The following TNKS variants were observed in gnomAD, a reference collection of about 807,000 sequenced individuals.
The protein encoded by TNKS is tankyrase.
TNKS carries 72 observed loss-of-function variants against 135.8 expected under a neutral mutation model. The observed-to-expected ratio is 0.53, with a 90% CI of 0.44 to 0.64. The LOEUF (loss-of-function observed/expected upper bound fraction) is 0.64, where lower values mean the gene tolerates loss of function less well. Ranked by LOEUF, TNKS falls within the 30% of genes least tolerant of loss-of-function variation. TNKS has a pLI of 0.00. For synonymous variants in TNKS, 849 were observed against 649.3 expected (o/e 1.31, Z -4.68); for missense variants, 1,769 against 1,674.0 (o/e 1.06, Z -0.99).
chr8:9,769,221 G>A (rs1359206844), intron 25 of TNKS, among the ~76,000 whole-genome samples: 2 of 152,174 alleles, frequency 1.3e-5, no homozygotes, highest in Non-Finnish European at 2.9e-5. Flanking sequence ...CAATAAAATT[G>A]TATTTACAAA....
intron 3 of TNKS, among the ~76,000 whole-genome samples, chr8:9,677,109 T>C (rs1802574010): frequency 6.6e-6 from 1 of 152,224 alleles, no homozygotes; most frequent in African/African-American, 2.4e-5. Context: ...TAGCTGTTCC[T>C]GGGAGCTAGC....
chr8:9,561,453 A>C (rs765240984), intron 1 of TNKS, among the ~76,000 whole-genome samples: 1 of 152,210 alleles, frequency 6.6e-6, no homozygotes, highest in Non-Finnish European at 1.5e-5. Context: ...TTAGAATTTC[A>C]TATAAATGCA....
At chr8:9,567,531 T>C (rs1034591517) in intron 1 of TNKS, among the ~76,000 whole-genome samples, 13 of 152,232 alleles carry the variant, frequency 8.5e-5, no homozygotes, top group Admixed American at 8.5e-4. Flanking sequence ...TTCTCCTGCC[T>C]CAGCCTCCCG....
intron 8 of TNKS, among the ~76,000 whole-genome samples, chr8:9,707,504 T>C (rs1268837363): frequency 2.0e-5 from 3 of 152,206 alleles, no homozygotes; most frequent in African/African-American, 7.2e-5. Flanking sequence ...CACAATCATA[T>C]TTTTATTTGT....
At chr8:9,628,248 G>C (rs1449925291) in intron 3 of TNKS, among the ~76,000 whole-genome samples, 1 of 152,102 alleles carries the variant, frequency 6.6e-6, no homozygotes, top group Non-Finnish European at 1.5e-5. Context: ...AGAGTATACG[G>C]AACTGCCCAT....
rs1554467464 is a variant in TNKS at position 9,676,686 on chromosome 8, C to CTCTGTG, written c.995-3264_995-3263insCTGTGT. Reference sequence around the variant, plus strand: ...CTCGTATTTCTCCCTCTCTCTCTCTCTGTGTGTGTGTGTGTGTGTGTGTGT... The same window carrying CTCTGTG: ...CTCGTATTTCTCCCTCTCTCTCTCTCTCTGTGTGTGTGTGTGTGTGTGTGTGTGTGT... On this transcript the variant is annotated intron_variant, in intron 3 of 26. Coordinates refer to ENST00000310430, the MANE Select transcript of TNKS (RefSeq NM_003747.3). 5.1e-3 allele frequency among the ~76,000 whole-genome samples: 757 copies of CTCTGTG among 147,878 alleles called. 3 individuals are homozygous for CTCTGTG. The highest frequency in any genetic ancestry group is 6.2e-3 in the Non-Finnish European group (412 of 66,754).
chr8:9,593,520 T>C (rs1798663398), intron 2 of TNKS, among the ~76,000 whole-genome samples: 2 of 152,218 alleles, frequency 1.3e-5, no homozygotes, highest in South Asian at 4.1e-4. Flanking sequence ...GTATCATATT[T>C]AGCAAACTTA....
intron 2 of TNKS, among the ~76,000 whole-genome samples, chr8:9,594,099 C>T (rs1798685518): frequency 1.3e-5 from 2 of 152,146 alleles, no homozygotes; most frequent in East Asian, 3.9e-4. Flanking sequence ...TTTGGCCGGG[C>T]TGGTCTCAGA....
At chr8:9,586,722 CGTGTGTGTGTGTGT>C (rs5889287) in intron 2 of TNKS, among the ~76,000 whole-genome samples, 7,525 of 143,274 alleles carry the variant, frequency 0.053, 200 homozygotes, top group Middle Eastern at 0.079. Flanking sequence ...ATATCTAAAA[CGTGTGTGTGTGTGT>C]GTGTGTGTGT....
intron 5 of TNKS, among the ~76,000 whole-genome samples, chr8:9,681,921 T>G (rs79256633): frequency 0.066 from 10,111 of 152,160 alleles, 674 homozygotes; most frequent in East Asian, 0.22. Flanking sequence ...CAGTGAGTAT[T>G]TTGTTTCTCT....
intron 6 of TNKS, among the ~76,000 whole-genome samples, chr8:9,705,972 T>G (rs1804021541): frequency 6.6e-6 from 1 of 152,180 alleles, no homozygotes; most frequent in South Asian, 2.1e-4. Context: ...ATTTGGTATT[T>G]TTTTCATTAT....
At chr8:9,698,699 G>C (rs1803647587) in intron 5 of TNKS, among the ~76,000 whole-genome samples, 2 of 152,122 alleles carry the variant, frequency 1.3e-5, no homozygotes, top group South Asian at 2.1e-4. Flanking sequence ...CCACAGCTTT[G>C]CAAAAGGCTT....
intron 17 of TNKS, chr8:9,743,572 G>C (rs765608775): frequency 6.6e-6 from 1 of 152,136 alleles, no homozygotes; most frequent in Non-Finnish European, 1.5e-5. Context: ...AAAAATGCAA[G>C]GTAATACTGT....
intron 11 of TNKS, among the ~76,000 whole-genome samples, chr8:9,715,095 T>C (rs1460503730): frequency 6.6e-6 from 1 of 150,984 alleles, no homozygotes; most frequent in Non-Finnish European, 1.5e-5. Flanking sequence ...ACAGGAGGAG[T>C]ATGAAGAAGG....
In TNKS at chr8:9,782,141, TCTCGTCAC is replaced by T. The variant is rs1464942907; in HGVS notation, c.*5408_*5415del. 5.2e-5 allele frequency: 8 copies of T among 152,688 alleles called. No individual in the cohort carries two copies. In the East Asian group the frequency reaches 1.4e-3, roughly 26 times the overall value. The allele number at this position is 152,688 out of a possible 1,614,324, so 9.5% of individuals were successfully genotyped here. ...GCATGTTAAAGTCCTCTAGTCATCA[TCTCGTCAC>T]CTGAAATGGAAGTCCTTTTTCCCTC... On this transcript the variant is annotated 3_prime_UTR_variant, in exon 27 of 27. Transcript: ENST00000310430.
At chr8:9,729,563 G>C (rs1410827155) in intron 13 of TNKS, among the ~76,000 whole-genome samples, 1 of 152,124 alleles carries the variant, frequency 6.6e-6, no homozygotes, top group Non-Finnish European at 1.5e-5. Flanking sequence ...TGATGTAGCA[G>C]AAAGACTAAG....
chr8:9,770,929 G>C (rs1388153555), intron 26 of TNKS, among the ~76,000 whole-genome samples: 1 of 152,024 alleles, frequency 6.6e-6, no homozygotes, highest in Non-Finnish European at 1.5e-5. Context: ...GTATTGATTT[G>C]AGGAGCCAAA....
intron 3 of TNKS, among the ~76,000 whole-genome samples, chr8:9,654,759 T>C (rs1285228880): frequency 3.3e-5 from 5 of 152,192 alleles, no homozygotes; most frequent in African/African-American, 1.2e-4. Flanking sequence ...AAGTATCTAC[T>C]TGGGGGTGGA....
At position 9,772,809 on chromosome 8, in the gene TNKS, T is replaced by TTGTGTG. The variant is rs368113364; in HGVS notation, c.3897+2563_3897+2568dup. On this transcript the variant is annotated intron_variant, in intron 26 of 26. Coordinates refer to ENST00000310430, the MANE Select transcript of TNKS (RefSeq NM_003747.3). ...TTGGGGAGAATGTGTGTGTGTGTGT[T>TTGTGTG]TGTGTGTGTGTGTGTGTGTGTCTGT... 7.0e-3 allele frequency among the ~76,000 whole-genome samples: 606 copies of TTGTGTG among 86,656 alleles called. 14 individuals are homozygous for TTGTGTG. Among genetic ancestry groups the TTGTGTG allele is most frequent in the African/African-American group, 0.019 (466 of 23,898 alleles). 56.8% of individuals were successfully genotyped at this position (86,656 alleles called of 152,430 possible).
Sources: gnomAD v4.1 joint callset for allele counts (sites outside exome capture counted in the v4.1 genomes callset) on GRCh38, gnomAD v4.1.1 for gene constraint, MANE v1.5 for transcripts, NCBI Gene and HGNC (gene_info 2026-07-23, HGNC 2026-07-21) for gene names.